CTNNA3: variants seen among roughly 807,000 people sequenced by gnomAD.
CTNNA3 encodes the protein catenin alpha-3.
Under a neutral mutation model 95.7 loss-of-function variants are expected in CTNNA3, and 76 were observed. That is an observed-to-expected ratio of 0.79 (90% CI 0.66 to 0.96). The LOEUF (loss-of-function observed/expected upper bound fraction) is 0.96, where lower values mean the gene tolerates loss of function less well. Ranked by LOEUF, CTNNA3 falls within the 40% of genes least tolerant of loss-of-function variation. The probability of loss-of-function intolerance (pLI) is 0.00; values close to 1 mark genes in which losing one functional copy is unlikely to be tolerated. For synonymous variants in CTNNA3, 431 were observed against 374.4 expected (o/e 1.15, Z -1.74); for missense variants, 1,191 against 1,089.8 (o/e 1.09, Z -1.31).
chr10:67,554,912 A>G (rs906460981), intron 3 of CTNNA3, among the ~76,000 whole-genome samples: 42 of 152,200 alleles, frequency 2.8e-4, no homozygotes, highest in African/African-American at 9.4e-4. Context: ...TCTTTAATCC[A>G]TCTGGAATTA....
chr10:67,734,943 T>G (rs1841294136), intron 1 of CTNNA3, among the ~76,000 whole-genome samples: 1 of 152,150 alleles, frequency 6.6e-6, no homozygotes, highest in Non-Finnish European at 1.5e-5. Flanking sequence ...CATATATCAA[T>G]ATGGAAATGT....
intron 9 of CTNNA3, among the ~76,000 whole-genome samples, chr10:66,707,022 A>G (rs1848139999): frequency 6.6e-6 from 1 of 152,064 alleles, no homozygotes; most frequent in Admixed American, 6.6e-5. Context: ...AGATTATGAA[A>G]GATATCAATA....
chr10:67,557,083 C>A (rs531387447), intron 3 of CTNNA3, among the ~76,000 whole-genome samples: 1 of 152,266 alleles, frequency 6.6e-6, no homozygotes, highest in African/African-American at 2.4e-5. Context: ...GTTTCTTAAT[C>A]CTGACTTCTA....
intron 11 of CTNNA3, among the ~76,000 whole-genome samples, chr10:66,511,224 G>T (rs1299164466): frequency 2.0e-5 from 3 of 151,700 alleles, no homozygotes; most frequent in African/African-American, 7.2e-5. Flanking sequence ...TGTGGTGTCA[G>T]TTGTAATATC....
At chr10:67,275,019 T>A (rs34553646) in intron 5 of CTNNA3, among the ~76,000 whole-genome samples, 24,347 of 151,888 alleles carry the variant, frequency 0.16, 2,933 homozygotes, top group African/African-American at 0.32. Flanking sequence ...AAATCTCAAT[T>A]TGAAGAATCA....
At chr10:66,829,140 T>A (rs1842620793) in intron 7 of CTNNA3, among the ~76,000 whole-genome samples, 1 of 152,238 alleles carries the variant, frequency 6.6e-6, no homozygotes, top group South Asian at 2.1e-4. Flanking sequence ...AAAATGTCTC[T>A]GGTACAACAC....
At chr10:67,686,256 C>T (rs1186715123) in intron 1 of CTNNA3, among the ~76,000 whole-genome samples, 2 of 152,200 alleles carry the variant, frequency 1.3e-5, no homozygotes, top group African/African-American at 4.8e-5. Flanking sequence ...GGGTGCTGGT[C>T]CCTGGGGGAA....
Position 67,509,459 on chromosome 10 carries a change from G to A in CTNNA3, c.579+12383C>T, listed in dbSNP as rs546372037. 8.5e-5 allele frequency among the ~76,000 whole-genome samples: 13 copies of A among 152,194 alleles called. 1 individual carries two copies. The East Asian group carries it at 2.5e-3, about 29-fold the overall frequency. On this transcript the variant is annotated intron_variant, in intron 5 of 17. Coordinates refer to ENST00000433211, the MANE Select transcript of CTNNA3 (RefSeq NM_013266.4). ...ATGTGGTGTTTGGTTTTCTGTCCTT[G>A]TGATAGTTTGCTGAGGATAATGGTT... is the stretch of plus-strand genomic sequence containing the variant.
chr10:66,107,601 A>G (rs1162767724), intron 13 of CTNNA3, among the ~76,000 whole-genome samples: 1 of 152,118 alleles, frequency 6.6e-6, no homozygotes, highest in African/African-American at 2.4e-5. Context: ...ATACATTAAG[A>G]CTTCAGGGTC....
At chr10:67,470,094 C>A (rs939410669) in intron 5 of CTNNA3, among the ~76,000 whole-genome samples, 1 of 152,180 alleles carries the variant, frequency 6.6e-6, no homozygotes. Context: ...CCCTGCCACC[C>A]TCCTACTATC....
chr10:65,961,068 G>T (rs566581317), intron 17 of CTNNA3, among the ~76,000 whole-genome samples: 15 of 151,696 alleles, frequency 9.9e-5, no homozygotes, highest in Non-Finnish European at 1.9e-4. Context: ...TTTTTCACAG[G>T]TTCATTCTCT....
rs1246292832 is a variant in CTNNA3, at chr10:67,237,122, GTATGTATATATATATATATA to G, written c.580-17272_580-17253del. Reference sequence around the variant, plus strand: ...AATGAGTGGATAAAGAAACTATGGTGTATGTATATATATATATATATATATATATATATATATATATATAT... The same window carrying G: ...AATGAGTGGATAAAGAAACTATGGTGTATATATATATATATATATATATAT... On this transcript the variant is annotated intron_variant, in intron 5 of 17. Coordinates refer to ENST00000433211, the MANE Select transcript of CTNNA3 (RefSeq NM_013266.4). Among the ~76,000 whole-genome samples, 628 of 79,624 alleles carry G rather than the reference GTATGTATATATATATATATA, an allele frequency of 7.9e-3. 26 individuals carry two copies. The highest frequency in any genetic ancestry group is 0.011 in the African/African-American group (321 of 29,598). 52.2% of individuals were successfully genotyped at this position (79,624 alleles called of 152,430 possible).
chr10:67,457,101 T>C (rs547957240), intron 5 of CTNNA3, among the ~76,000 whole-genome samples: 16 of 152,144 alleles, frequency 1.1e-4, no homozygotes, highest in Non-Finnish European at 2.1e-4. Context: ...GGATAGCTAA[T>C]ATAAGAAATA....
At chr10:66,461,550 G>A (rs548644497) in intron 11 of CTNNA3, among the ~76,000 whole-genome samples, 8 of 151,864 alleles carry the variant, frequency 5.3e-5, no homozygotes, top group Admixed American at 2.6e-4. Context: ...TGGGTAGTGC[G>A]TCAATAAGAC....
intron 13 of CTNNA3, among the ~76,000 whole-genome samples, chr10:66,247,224 A>G (rs2090368948): frequency 6.6e-6 from 1 of 152,134 alleles, no homozygotes; most frequent in Non-Finnish European, 1.5e-5. Context: ...GAAGTAGAGA[A>G]TGGAAGGAAC....
chr10:66,663,933 C>T (rs1005231519), intron 9 of CTNNA3, among the ~76,000 whole-genome samples: 12 of 152,046 alleles, frequency 7.9e-5, no homozygotes, highest in Non-Finnish European at 1.8e-4. Context: ...ACAAAGACTG[C>T]TATTACTTAT....
intron 9 of CTNNA3, among the ~76,000 whole-genome samples, chr10:66,693,954 T>G (rs1426600529): frequency 6.6e-6 from 1 of 151,672 alleles, no homozygotes; most frequent in Non-Finnish European, 1.5e-5. Context: ...TGGGACACAT[T>G]CAAAGCAGTG....
At chr10:67,642,252 C>T (rs1018379999) in intron 2 of CTNNA3, among the ~76,000 whole-genome samples, 4 of 151,882 alleles carry the variant, frequency 2.6e-5, no homozygotes, top group African/African-American at 7.3e-5. Flanking sequence ...AACAGACAAC[C>T]TACAGAATGG....
At chr10:66,679,049 T>C (rs1405008226) in intron 9 of CTNNA3, among the ~76,000 whole-genome samples, 3 of 152,138 alleles carry the variant, frequency 2.0e-5, no homozygotes, top group African/African-American at 4.8e-5. Context: ...TGTAATATGG[T>C]CAATGTTTTG....
Sources: allele counts gnomAD v4.1 joint callset (sites outside exome capture counted in the v4.1 genomes callset), GRCh38; gene constraint gnomAD v4.1.1; transcripts MANE v1.5; gene names NCBI Gene and HGNC (gene_info 2026-07-23, HGNC 2026-07-21).